Variants in FAM135A observed in about 807,000 individuals in gnomAD.
FAM135A encodes family with sequence similarity 135 member A.
A neutral mutation model predicts 146.8 loss-of-function variants in FAM135A; 79 were observed. The observed-to-expected ratio is 0.54, with a 90% CI of 0.45 to 0.65. The LOEUF (loss-of-function observed/expected upper bound fraction) is 0.65, where lower values mean the gene tolerates loss of function less well. FAM135A is among the 30% of genes least tolerant of loss of function. The pLI, the probability that FAM135A is intolerant of heterozygous loss-of-function variation, is 0.00. For missense variants in FAM135A, 1,623 were observed against 1,758.2 expected, an observed-to-expected ratio of 0.92 and a Z score of 1.38; for synonymous variants, 562 against 603.6, an observed-to-expected ratio of 0.93 and a Z score of 1.01.
chr6:70,557,059 C>T (rs1800984397), intron 21 of FAM135A, 196 bp downstream of exon 21: 2 of 576,238 alleles, frequency 3.5e-6, no homozygotes, highest in Admixed American at 3.1e-5. Context: ...TGAAGTAATA[C>T]TTTCATCTAA....
intron 4 of FAM135A, among the ~76,000 whole-genome samples, chr6:70,445,083 A>G (rs889232037): frequency 6.6e-6 from 1 of 152,198 alleles, no homozygotes; most frequent in African/African-American, 2.4e-5. Flanking sequence ...GTTAGGTGAG[A>G]TACTATCATG....
chr6:70,436,516 C>CTGAATCAGCAGTTTACAGA (rs1171058384), intron 4 of FAM135A, among the ~76,000 whole-genome samples: 1 of 151,962 alleles, frequency 6.6e-6, no homozygotes, highest in African/African-American at 2.4e-5. Flanking sequence ...TACATTTAGT[C>CTGAATCAGCAGTTTACAGA]TGAATCAGCA....
intron 16 of FAM135A, among the ~76,000 whole-genome samples, chr6:70,531,513 G>A (rs1795795439): frequency 6.6e-6 from 1 of 152,174 alleles, no homozygotes; most frequent in Non-Finnish European, 1.5e-5. Context: ...TGGAAAGTTT[G>A]TTCAACTTTA....
At chr6:70,423,078 A>C (rs898573122) in intron 2 of FAM135A, among the ~76,000 whole-genome samples, 1 of 152,208 alleles carries the variant, frequency 6.6e-6, no homozygotes. Flanking sequence ...GAACTGAAGG[A>C]GTGAGTCCTG....
chr6:70,551,243 C>T (rs1460336619), intron 20 of FAM135A, among the ~76,000 whole-genome samples: 1 of 152,186 alleles, frequency 6.6e-6, no homozygotes, highest in Non-Finnish European at 1.5e-5. Flanking sequence ...CACAAGAAGC[C>T]TGCTTTTCAG....
rs530025662 is a variant in FAM135A at position 70,500,151 on chromosome 6, A to G, written c.874-2485A>G. Among the ~76,000 whole-genome samples the G allele has an allele frequency of 9.9e-5, 15 of 152,258 alleles. No homozygotes were observed. The East Asian group carries it at 2.5e-3, about 25-fold the overall frequency. On this transcript the variant is annotated intron_variant, in intron 11 of 21. Coordinates refer to ENST00000418814, the MANE Select transcript of FAM135A (RefSeq NM_001162529.3). ...AGGTTTGGTCTTTTCACATAGTCCC[A>G]CATTTTTTGGAGGCTTTGTTCATTC...
rs570105163 is a variant in FAM135A, at chr6:70,451,264, C to T, written c.78-1228C>T. Among the ~76,000 whole-genome samples, 133 of 152,154 alleles carry T rather than the reference C, an allele frequency of 8.7e-4. 1 individual carries two copies. The highest frequency in any genetic ancestry group is 3.0e-3 in the African/African-American group (125 of 41,506). ...CTATGAATAAGACATGGTCTCTATG[C>T]GGAGGAAGTTTAAATTGAAGCATGT... is the stretch of plus-strand genomic sequence containing the variant. On this transcript the variant is annotated intron_variant, in intron 4 of 21. Coordinates refer to ENST00000418814, the MANE Select transcript of FAM135A (RefSeq NM_001162529.3).
intron 12 of FAM135A, chr6:70,503,532 G>A (rs544402775): frequency 6.6e-6 from 1 of 152,194 alleles, no homozygotes; most frequent in East Asian, 1.9e-4. Flanking sequence ...CACCCTTTCA[G>A]TTATTATCCA....
At chr6:70,537,176 C>A (rs931076792) in intron 19 of FAM135A, among the ~76,000 whole-genome samples, 1 of 151,984 alleles carries the variant, frequency 6.6e-6, no homozygotes, top group African/African-American at 2.4e-5. Context: ...CCTCGTGATC[C>A]GCCCGCCTCG....
intron 2 of FAM135A, chr6:70,417,542 T>C (rs1459448597): frequency 2.5e-5 from 22 of 883,804 alleles, no homozygotes; most frequent in Non-Finnish European, 3.0e-5. Flanking sequence ...TTAAGTGTTA[T>C]GAAATGTTCT....
intron 11 of FAM135A, among the ~76,000 whole-genome samples, chr6:70,500,175 T>A (rs1168352389): frequency 6.6e-6 from 1 of 152,212 alleles, no homozygotes; most frequent in Non-Finnish European, 1.5e-5. Context: ...CTTTGTTCAT[T>A]CCTTTTTCAA....
chr6:70,482,070 A>G lies in FAM135A; in HGVS notation c.739A>G (p.Thr247Ala), dbSNP rs1353726674. 1 of 1,613,818 alleles carries G rather than the reference A, an allele frequency of 6.2e-7. No individual in the cohort carries two copies. ...AYRFHYTLCA[T>A]LLLAFKGLHS... Reference sequence around the variant, plus strand: ...TCGTTTTCATTATACACTTTGTGCCACTTTGCTGCTAGCCTTCAAGGGATT... The same window carrying G: ...TCGTTTTCATTATACACTTTGTGCCGCTTTGCTGCTAGCCTTCAAGGGATT... Residue 247 changes from threonine (T) to alanine (A), a missense_variant, in exon 10 of 22, where the codon ACT (threonine) becomes GCT (alanine). Coordinates refer to ENST00000418814, the MANE Select transcript of FAM135A (RefSeq NM_001162529.3).
At chr6:70,441,756 C>A (rs1449031147) in intron 4 of FAM135A, among the ~76,000 whole-genome samples, 1 of 151,120 alleles carries the variant, frequency 6.6e-6, no homozygotes, top group Admixed American at 6.6e-5. Flanking sequence ...GCCGTCTCAG[C>A]TCACTGCAAC....
At chr6:70,465,929 A>G (rs771877849) in intron 5 of FAM135A, among the ~76,000 whole-genome samples, 1 of 152,150 alleles carries the variant, frequency 6.6e-6, no homozygotes, top group South Asian at 2.1e-4. Context: ...ACTCTTTTTC[A>G]TGGTGTTTCA....
intron 10 of FAM135A, among the ~76,000 whole-genome samples, chr6:70,490,696 T>C (rs1163139645): frequency 6.6e-6 from 1 of 152,060 alleles, no homozygotes; most frequent in Non-Finnish European, 1.5e-5. Context: ...AATACTAAAC[T>C]GTACTGGAAA....
At chr6:70,481,522 G>T (rs994358088) in intron 9 of FAM135A, among the ~76,000 whole-genome samples, 1 of 151,966 alleles carries the variant, frequency 6.6e-6, no homozygotes, top group Non-Finnish European at 1.5e-5. Flanking sequence ...AGTCCCAACT[G>T]CTAGGGAGCC....
At chr6:70,468,561 G>A (rs1780935349) in intron 5 of FAM135A, among the ~76,000 whole-genome samples, 1 of 152,190 alleles carries the variant, frequency 6.6e-6, no homozygotes, top group Non-Finnish European at 1.5e-5. Context: ...TTGCTATGCT[G>A]TGCATAATCA....
intron 10 of FAM135A, among the ~76,000 whole-genome samples, chr6:70,489,623 G>C (rs1017157699): frequency 2.0e-5 from 3 of 152,164 alleles, no homozygotes; most frequent in Non-Finnish European, 4.4e-5. Flanking sequence ...TGGAGAGAGT[G>C]AGCTAGCAGC....
At chr6:70,552,616 C>T (rs1458246374) in intron 20 of FAM135A, among the ~76,000 whole-genome samples, 1 of 151,880 alleles carries the variant, frequency 6.6e-6, no homozygotes, top group Non-Finnish European at 1.5e-5. Context: ...TTACAGGTGC[C>T]TGCCACCGTG....
Sources: gnomAD v4.1 joint callset for allele counts (sites outside exome capture counted in the v4.1 genomes callset) on GRCh38, gnomAD v4.1.1 for gene constraint, MANE v1.5 for transcripts, NCBI Gene and HGNC (gene_info 2026-07-23, HGNC 2026-07-21) for gene names.